Variants in HM13 observed in about 807,000 individuals in gnomAD.
The protein encoded by HM13 is histocompatibility minor 13.
Under a neutral mutation model 50.0 loss-of-function variants are expected in HM13, and 18 were observed. That is an observed-to-expected ratio of 0.36 (90% CI 0.25 to 0.53). The LOEUF (loss-of-function observed/expected upper bound fraction) is 0.53. Ranked by LOEUF, HM13 falls within the 20% of genes least tolerant of loss-of-function variation. HM13 has a pLI of 0.90. For synonymous variants in HM13, 197 were observed against 232.6 expected (o/e 0.85, Z 1.39); for missense variants, 393 against 552.4 (o/e 0.71, Z 2.89).
intron 8 of HM13, 54 bp from the exon 9 acceptor site, chr20:31,559,557 G>A (rs558178999): frequency 1.3e-6 from 2 of 1,585,948 alleles, no homozygotes; most frequent in Admixed American, 1.7e-5. Flanking sequence ...TCTCCTGTTA[G>A]TTCACTGCCC....
chr20:31,556,339 G>A (rs1333809753), intron 8 of HM13, among the ~76,000 whole-genome samples: 3 of 152,028 alleles, frequency 2.0e-5, no homozygotes, highest in Admixed American at 6.6e-5. Context: ...ACGCCTGGCC[G>A]ACCCCGTCTA....
At position 31,568,194 on chromosome 20, in the gene HM13, G is replaced by A. The variant is rs763314374; in HGVS notation, c.1151G>A (p.Arg384His). 4.7e-5 allele frequency: 75 copies of A among 1,612,820 alleles called. No homozygotes were observed. Among genetic ancestry groups the A allele is most frequent in the Non-Finnish European group, 6.2e-5 (73 of 1,179,882 alleles). Residue 384 changes from arginine to histidine, a missense_variant, in exon 12 of 13, where the codon CGC becomes CAC. Physicochemically the swap from Arg to His is conservative, Grantham distance 29. This residue lies in a region of HM13 where 105 missense variants were observed against 115.9 expected (regional missense o/e 0.91). Transcript: ENST00000398174. ...DSMQQKLAGPRRRRPQNPSAI... is the reference protein window; with the variant it reads ...DSMQQKLAGPHRRRPQNPSAI... ...ATGCAGCAGAAGCTAGCTGGCCCTC[G>A]CCGCCGGCGCCCGCAGAATCCCAGC...
intron 4 of HM13, chr20:31,547,696 A>G (rs565388108): frequency 2.2e-6 from 3 of 1,350,306 alleles, no homozygotes; most frequent in Non-Finnish European, 3.1e-6. Context: ...CCTTACCGTA[A>G]GTGGGGAATT....
intron 8 of HM13, 83 bp from the exon 9 acceptor site, chr20:31,559,528 G>A (rs1301157126): frequency 7.4e-7 from 1 of 1,354,732 alleles, no homozygotes; most frequent in Admixed American, 1.7e-5. Flanking sequence ...GGAACACCAG[G>A]TTGGGGACCA....
chr20:31,546,641 C>G (rs1160856354), intron 4 of HM13, among the ~76,000 whole-genome samples: 1 of 151,802 alleles, frequency 6.6e-6, no homozygotes, highest in African/African-American at 2.4e-5. Context: ...GTAATCCTAG[C>G]TACTCGGGAG....
chr20:31,526,024 G>A (rs567480475), intron 1 of HM13, among the ~76,000 whole-genome samples: 3 of 152,124 alleles, frequency 2.0e-5, no homozygotes, highest in Admixed American at 2.0e-4. Context: ...TACTTGAGAG[G>A]CTGAGGCGGG....
At chr20:31,548,628 T>C (rs1041114619) in intron 4 of HM13, 5 of 265,574 alleles carry the variant, frequency 1.9e-5, no homozygotes, top group African/African-American at 1.1e-4. Context: ...GTCTTACTTA[T>C]TCCCCCACAG....
chr20:31,552,645 ACTTGCTGACCGTGTG>A (rs1231841585), intron 7 of HM13, among the ~76,000 whole-genome samples: 5 of 152,192 alleles, frequency 3.3e-5, no homozygotes, highest in African/African-American at 1.2e-4. Context: ...CAGCTCTGCC[ACTTGCTGACCGTGTG>A]GCCTTGGGGA....
intron 11 of HM13, among the ~76,000 whole-genome samples, chr20:31,567,255 C>A (rs915561951): frequency 1.3e-5 from 2 of 152,174 alleles, no homozygotes; most frequent in African/African-American, 2.4e-5. Context: ...GCACCCGATC[C>A]CTGAGCTTAG....
intron 3 of HM13, among the ~76,000 whole-genome samples, chr20:31,543,062 C>G (rs2122604699): frequency 6.6e-6 from 1 of 152,240 alleles, no homozygotes. Flanking sequence ...TTCAGACTCC[C>G]CCAAAACTGA....
chr20:31,558,691 T>C (rs1430636417), intron 8 of HM13, among the ~76,000 whole-genome samples: 1 of 151,952 alleles, frequency 6.6e-6, no homozygotes, highest in Admixed American at 6.6e-5. Flanking sequence ...ATAGCTAGAA[T>C]TGCAGGCGTG....
In HM13 at chr20:31,554,701, A is replaced by T. The variant is rs189687792; in HGVS notation, c.725-45A>T. ...CGTCTCAAAAAAAAAAAAAAATGTA[A>T]ACTGGGCTCCAGCTGACTCCTCACA... On this transcript the variant is annotated intron_variant, in intron 7 of 12. Coordinates refer to ENST00000398174, the MANE Select transcript of HM13 (RefSeq NM_178581.3). The T allele has an allele frequency of 1.1e-3, 1,749 of 1,545,714 alleles. 21 individuals are homozygous for T. The African/African-American group carries it at 0.022, about 19-fold the overall frequency.
chr20:31,532,252 C>T (rs1982863500), intron 2 of HM13, among the ~76,000 whole-genome samples: 1 of 152,100 alleles, frequency 6.6e-6, no homozygotes, highest in African/African-American at 2.4e-5. Flanking sequence ...TGGTGAAACC[C>T]CGTCTCTACT....
At chr20:31,532,504 C>G (rs1180427443) in intron 2 of HM13, among the ~76,000 whole-genome samples, 1 of 152,168 alleles carries the variant, frequency 6.6e-6, no homozygotes, top group Non-Finnish European at 1.5e-5. Context: ...ATGCCAGGCC[C>G]CCCTACTTTT....
chr20:31,548,829 G>C (rs1203092929), intron 4 of HM13, 200 bp from the exon 5 acceptor site: 1 of 607,736 alleles, frequency 1.6e-6, no homozygotes, highest in African/African-American at 1.8e-5. Context: ...CCCTCCTGTA[G>C]GAAATTGGAG....
rs1321408249 is a variant in HM13 at position 31,554,639 on chromosome 20, G to A, written c.725-107G>A. 28 of 814,256 alleles carry A rather than the reference G, an allele frequency of 3.4e-5. No individual in the cohort carries two copies. In the East Asian group the frequency reaches 3.8e-4, roughly 11 times the overall value. 50.4% of individuals were successfully genotyped at this position (814,256 alleles called of 1,614,324 possible). A position where few individuals can be genotyped will look rare whatever the true frequency, so the allele number is the denominator to read the frequency against. On this transcript the variant is annotated intron_variant, in intron 7 of 12. Coordinates refer to ENST00000398174, the MANE Select transcript of HM13 (RefSeq NM_178581.3). Reference sequence around the variant, plus strand: ...GGAGCTTGCAGTGAGCCGAGATTGCGCCACTGCACTCCAGCCTGGGTGACA... The same window carrying A: ...GGAGCTTGCAGTGAGCCGAGATTGCACCACTGCACTCCAGCCTGGGTGACA...
chr20:31,516,681 G>A (rs1319321496), intron 1 of HM13, among the ~76,000 whole-genome samples: 1 of 152,180 alleles, frequency 6.6e-6, no homozygotes, highest in Non-Finnish European at 1.5e-5. Context: ...AAGGTTTGGT[G>A]TGGCTGGAAC....
rs755557288 is a variant in HM13, at chr20:31,527,588, T to A, written c.282+6T>A. 1.3e-6 allele frequency: 2 copies of A among 1,594,798 alleles called. No individual in the cohort carries two copies. The highest frequency in any genetic ancestry group is 1.7e-6 in the Non-Finnish European group (2 of 1,163,944). The stretch of plus-strand genomic sequence containing the variant: ...GGCTCTACCTCTTTTTCAAAGTAAG[T>A]CTTTTGCCACCTGTTGTGTCATTTG... On this transcript the variant is annotated splice_donor_region_variant and intron_variant, in intron 2 of 12. Transcript: ENST00000398174.
intron 2 of HM13, among the ~76,000 whole-genome samples, chr20:31,532,237 C>T (rs143321937): frequency 9.9e-4 from 150 of 152,050 alleles, no homozygotes; most frequent in Non-Finnish European, 1.8e-3. Context: ...CCATCCTGGC[C>T]AACATGGTGA....
Sources: gnomAD v4.1 joint callset for allele counts (sites outside exome capture counted in the v4.1 genomes callset) on GRCh38, gnomAD v4.1.1 for gene constraint, gnomAD v4.1.1 regional missense constraint, MANE v1.5 for transcripts, NCBI Gene and HGNC (gene_info 2026-07-23, HGNC 2026-07-21) for gene names.